PTPRB: variants seen among roughly 807,000 people sequenced by gnomAD.
PTPRB encodes the protein receptor-type tyrosine-protein phosphatase beta.
A neutral mutation model predicts 238.1 loss-of-function variants in PTPRB; 97 were observed. The ratio of observed to expected loss-of-function variants is 0.41; its 90% CI spans 0.35 to 0.48. The LOEUF (loss-of-function observed/expected upper bound fraction) is 0.48. PTPRB is among the 20% of genes least tolerant of loss of function. PTPRB has a pLI of 0.30. For missense variants in PTPRB, 2,292 were observed against 2,681.9 expected, an observed-to-expected ratio of 0.85 and a Z score of 3.21; for synonymous variants, 970 against 995.4, an observed-to-expected ratio of 0.97 and a Z score of 0.48.
chr12:70,536,218 CAA>C, intron 28 of PTPRB, 59 bp from the exon 29 acceptor site: 3 of 1,547,624 alleles, frequency 1.9e-6, no homozygotes, highest in African/African-American at 1.4e-5. Flanking sequence ...GAACTATAAA[CAA>C]AGAGTTCTTC....
rs1213209143 is a variant in PTPRB at position 70,517,050 on chromosome 12, A to C, written c.*4439T>G. The C allele has an allele frequency of 6.6e-6, 1 of 152,220 alleles. No homozygotes were observed. Among genetic ancestry groups the C allele is most frequent in the Non-Finnish European group, 1.5e-5 (1 of 68,040 alleles). 9.4% of individuals were successfully genotyped at this position (152,220 alleles called of 1,614,324 possible). On this transcript the variant is annotated 3_prime_UTR_variant, in exon 34 of 34. Coordinates refer to ENST00000334414, the MANE Select transcript of PTPRB (RefSeq NM_001109754.4). ...AACAGAACAGATTTTTCCTGTTATC[A>C]TGGCTGCATCAAATGTTACCCTGCA...
chr12:70,576,883 T>C (rs879504446), intron 10 of PTPRB, among the ~76,000 whole-genome samples: 2 of 152,144 alleles, frequency 1.3e-5, no homozygotes, highest in Admixed American at 1.3e-4. Context: ...GCCTTTGGGA[T>C]GCCTCGTAAA....
At chr12:70,576,288 C>T (rs959185174) in intron 11 of PTPRB, 94 bp downstream of exon 11, 2 of 1,363,056 alleles carry the variant, frequency 1.5e-6, no homozygotes, top group African/African-American at 1.5e-5. Flanking sequence ...AAGGGCCTTT[C>T]ATCCCATCAT....
chr12:70,555,861 G>T lies in PTPRB; in HGVS notation c.4993+9C>A, dbSNP rs781448595. 8 of 1,611,320 alleles carry T rather than the reference G, an allele frequency of 5.0e-6. No homozygotes were observed. The highest frequency in any genetic ancestry group is 5.9e-6 in the Non-Finnish European group (7 of 1,179,324). On this transcript the variant is annotated intron_variant, in intron 19 of 33. Coordinates refer to ENST00000334414, the MANE Select transcript of PTPRB (RefSeq NM_001109754.4). ...AGGAGGCTCTGTGCGCACCTCCAGG[G>T]ACACTTACGGTCTATCATTGTGATA... is the stretch of plus-strand genomic sequence containing the variant.
rs529518935 is a variant in PTPRB, at chr12:70,592,214, G to C, written c.1780+68C>G. 1.9e-6 allele frequency: 3 copies of C among 1,598,356 alleles called. No individual in the cohort carries two copies. In the African/African-American group the frequency reaches 4.0e-5, roughly 21 times the overall value. Reference sequence around the variant, plus strand: ...AGGAGTTTTCCTGCTGACTTATTTTGTCCTATTTTAAGGTGGATCAGAGAG... The same window carrying C: ...AGGAGTTTTCCTGCTGACTTATTTTCTCCTATTTTAAGGTGGATCAGAGAG... On this transcript the variant is annotated intron_variant, in intron 7 of 33. Transcript: ENST00000334414.
At chr12:70,604,362 G>T (rs1249618876) in intron 4 of PTPRB, among the ~76,000 whole-genome samples, 3 of 152,190 alleles carry the variant, frequency 2.0e-5, no homozygotes, top group African/African-American at 7.2e-5. Context: ...CATGCATTAA[G>T]AAGAATTGTA....
chr12:70,537,116 C>G lies in PTPRB; in HGVS notation c.5947-957G>C, dbSNP rs574369368. Among the ~76,000 whole-genome samples, 29 of 152,082 alleles carry G rather than the reference C, an allele frequency of 1.9e-4. No individual in the cohort carries two copies. In the South Asian group the frequency reaches 5.8e-3, roughly 31 times the overall value. ...TGGCTAACACGGTGAAACCCCGTCT[C>G]TACTAAAAATACAAAAAAATATTAG... On this transcript the variant is annotated intron_variant, in intron 28 of 33. Transcript: ENST00000334414.
chr12:70,590,561 AAAGATT>A (rs1196119504), intron 7 of PTPRB, among the ~76,000 whole-genome samples: 1 of 151,748 alleles, frequency 6.6e-6, no homozygotes, highest in African/African-American at 2.4e-5. Context: ...TTCCAACTAA[AAAGATT>A]AATGTTCTTG....
chr12:70,544,718 G>A (rs555496772), intron 21 of PTPRB, 55 bp from the exon 22 acceptor site: 125 of 1,217,194 alleles, frequency 1.0e-4, no homozygotes, highest in Admixed American at 3.2e-4. Flanking sequence ...CACAGTAGCT[G>A]AAAAATGTGT....
intron 11 of PTPRB, among the ~76,000 whole-genome samples, chr12:70,574,404 TG>T (rs1880461145): frequency 1.3e-5 from 2 of 152,254 alleles, no homozygotes; most frequent in Non-Finnish European, 2.9e-5. Context: ...ATTACAGTGT[TG>T]TTAGAATACA....
At chr12:70,631,561 A>C (rs1176770569) in intron 2 of PTPRB, among the ~76,000 whole-genome samples, 1 of 152,226 alleles carries the variant, frequency 6.6e-6, no homozygotes, top group Non-Finnish European at 1.5e-5. Context: ...ATGGCAACAA[A>C]AGCCAAAATA....
chr12:70,559,385 A>G lies in PTPRB; in HGVS notation c.4672T>C (p.Trp1558Arg), dbSNP rs760621371. The G allele has an allele frequency of 2.5e-6, 4 of 1,613,804 alleles. No homozygotes were observed. The African/African-American group carries it at 5.3e-5, about 22-fold the overall frequency. Residue 1558 changes from tryptophan (W) to arginine (R), a missense_variant, in exon 18 of 34, where the codon TGG becomes CGG. Coordinates refer to ENST00000334414, the MANE Select transcript of PTPRB (RefSeq NM_001109754.4). ...AAAATTGGTTTGCTGTAAGTTTTCC[A>G]GGAATCACCACTGACAGTCTTGACG... ...FNVKTVSGDS[W>R]KTYSKPIFGS...
intron 10 of PTPRB, 84 bp downstream of exon 10, chr12:70,580,952 T>C (rs1881312869): frequency 1.1e-5 from 16 of 1,437,112 alleles, no homozygotes; most frequent in Middle Eastern, 1.9e-4. Flanking sequence ...AGTCTGATTT[T>C]AGGATATTTC....
At chr12:70,547,521 CCTTTTTT>C (rs1876177610) in intron 21 of PTPRB, among the ~76,000 whole-genome samples, 1 of 78,554 alleles carries the variant, frequency 1.3e-5, no homozygotes, top group African/African-American at 3.9e-5. Context: ...TTCTTTCCTT[CCTTTTTT>C]TTTTTTTTTT....
chr12:70,546,860 C>G (rs1423583648), intron 21 of PTPRB, among the ~76,000 whole-genome samples: 1 of 152,070 alleles, frequency 6.6e-6, no homozygotes, highest in East Asian at 1.9e-4. Context: ...CATCGCTGCT[C>G]TAAGTTAAAG....
At chr12:70,626,363 C>T (rs1465309329) in intron 2 of PTPRB, among the ~76,000 whole-genome samples, 20 of 133,782 alleles carry the variant, frequency 1.5e-4, no homozygotes, top group Non-Finnish European at 3.0e-4. Context: ...ATCTATCTAT[C>T]TATATTCCTG....
intron 7 of PTPRB, among the ~76,000 whole-genome samples, chr12:70,590,599 T>C (rs1882390329): frequency 6.6e-6 from 1 of 151,410 alleles, no homozygotes; most frequent in East Asian, 1.9e-4. Context: ...TCTTTTTTTT[T>C]TTTTTTTTTT....
chr12:70,552,375 T>C (rs569518451), intron 21 of PTPRB, among the ~76,000 whole-genome samples: 1 of 151,186 alleles, frequency 6.6e-6, no homozygotes, highest in East Asian at 2.0e-4. Context: ...TCCCAGCTAC[T>C]TGGGAGGCTG....
intron 11 of PTPRB, among the ~76,000 whole-genome samples, chr12:70,575,293 A>G (rs1312319816): frequency 6.6e-6 from 1 of 152,162 alleles, no homozygotes; most frequent in African/African-American, 2.4e-5. Flanking sequence ...GATCATTCTA[A>G]GGACCCCTTC....
Sources: gnomAD v4.1 joint callset for allele counts (sites outside exome capture counted in the v4.1 genomes callset) on GRCh38, gnomAD v4.1.1 for gene constraint, MANE v1.5 for transcripts, NCBI Gene and HGNC (gene_info 2026-07-23, HGNC 2026-07-21) for gene names.